The following XPO4 variants were observed in gnomAD, a reference collection of about 807,000 sequenced individuals.
XPO4 encodes exportin 4.
XPO4 carries 39 observed loss-of-function variants against 143.0 expected under a neutral mutation model. The ratio of observed to expected loss-of-function variants is 0.27; its 90% CI spans 0.21 to 0.36. The LOEUF (loss-of-function observed/expected upper bound fraction) is 0.36. Among genes scored for constraint, XPO4 ranks in the 10% least tolerant of loss-of-function variants. XPO4 has a pLI of 1.00. For missense variants in XPO4, 907 were observed against 1,348.0 expected, an observed-to-expected ratio of 0.67 and a Z score of 5.12; for synonymous variants, 439 against 474.0, an observed-to-expected ratio of 0.93 and a Z score of 0.96.
At chr13:20,789,688 G>A (rs185534077) in intron 19 of XPO4, among the ~76,000 whole-genome samples, 35 of 151,918 alleles carry the variant, frequency 2.3e-4, no homozygotes, top group African/African-American at 8.2e-4. Context: ...GATTACAAGC[G>A]TGAGCCACTG....
In XPO4 at chr13:20,809,801, G is replaced by T. The variant is rs992864048; in HGVS notation, c.1340C>A (p.Thr447Lys). The change falls in exon 10 of 23, where the codon ACA becomes AAA. Residue 447 changes from threonine (T) to lysine (K), a missense_variant. Physicochemically the swap from Thr to Lys is moderately conservative, Grantham distance 78. Coordinates refer to ENST00000255305, the MANE Select transcript of XPO4 (RefSeq NM_022459.5). The part of the protein sequence containing the change: ...IQCHLAAPDG[T>K]RNLTANGVAS... ...TTGCTTAAAACTCACCAAATTTCTT[G>T]TGCCATCTGGAGCAGCTAGGTGGCA... The T allele has an allele frequency of 1.9e-6, 3 of 1,606,312 alleles. No individual in the cohort carries two copies. The highest frequency in any genetic ancestry group is 2.5e-6 in the Non-Finnish European group (3 of 1,177,036).
At chr13:20,861,452 C>T (rs2060197541) in intron 3 of XPO4, among the ~76,000 whole-genome samples, 1 of 151,768 alleles carries the variant, frequency 6.6e-6, no homozygotes, top group Non-Finnish European at 1.5e-5. Context: ...TGCACTACCA[C>T]GCCCGACTAA....
intron 18 of XPO4, among the ~76,000 whole-genome samples, chr13:20,794,414 C>T (rs6490621): frequency 0.84 from 127,416 of 152,164 alleles, 53,542 homozygotes; most frequent in East Asian, 1. Context: ...GTAATCATGA[C>T]AGTAAATCAT....
At chr13:20,899,260 C>T (rs77684186) in intron 1 of XPO4, among the ~76,000 whole-genome samples, 7,742 of 151,046 alleles carry the variant, frequency 0.051, 320 homozygotes, top group East Asian at 0.14. Context: ...ATAGATGTAC[C>T]ATATTTAGAC....
At position 20,843,819 on chromosome 13, in the gene XPO4, T is replaced by C; in HGVS notation, c.524A>G (p.Asn175Ser). The C allele has an allele frequency of 6.2e-7, 1 of 1,613,510 alleles. No individual in the cohort carries two copies. The highest frequency in any genetic ancestry group is 8.5e-7 in the Non-Finnish European group (1 of 1,179,828). Residue 175 changes from asparagine to serine, a missense_variant, in exon 5 of 23, where the codon AAC becomes AGC. Asn to Ser is a conservative substitution (Grantham distance 46). Transcript: ENST00000255305. ...ATGGAATTCCATGCTCAATCCAATG[T>C]TGCTAGTTTTACTTGAACTTGAAAA... ...SEFSSSSKTS[N>S]IGLSMEFHGN...
chr13:20,894,062 G>C (rs1291499787), intron 1 of XPO4, among the ~76,000 whole-genome samples: 1 of 151,964 alleles, frequency 6.6e-6, no homozygotes, highest in Non-Finnish European at 1.5e-5. Flanking sequence ...GGCTGGTCTC[G>C]AACTCCCAAC....
In XPO4 at chr13:20,851,185, T is replaced by C. The variant is rs1406200821; in HGVS notation, c.456+4442A>G. 6 of 985,318 alleles carry C rather than the reference T, an allele frequency of 6.1e-6. No homozygotes were observed. In the African/African-American group the frequency reaches 8.7e-5, roughly 14 times the overall value. The allele number at this position is 985,318 out of a possible 1,614,324, so 61.0% of individuals were successfully genotyped here. A position where few individuals can be genotyped will look rare whatever the true frequency, so the allele number is the denominator to read the frequency against. ...AAGAAGAGAGGATGATATAAGAAAA[T>C]GTCTGAACTTCATTTTTTAGGCCTT... is the stretch of plus-strand genomic sequence containing the variant. On this transcript the variant is annotated intron_variant, in intron 4 of 22. Coordinates refer to ENST00000255305, the MANE Select transcript of XPO4 (RefSeq NM_022459.5).
intron 18 of XPO4, among the ~76,000 whole-genome samples, chr13:20,794,434 T>C (rs2059329387): frequency 1.3e-5 from 2 of 152,330 alleles, no homozygotes; most frequent in Non-Finnish European, 2.9e-5. Flanking sequence ...TCTAAACATA[T>C]ACATGTTTTA....
intron 22 of XPO4, 39 bp from the exon 23 acceptor site, chr13:20,783,958 GAAT>G: frequency 6.3e-7 from 1 of 1,593,222 alleles, no homozygotes; most frequent in Non-Finnish European, 8.6e-7. Flanking sequence ...ATCCTCCTTA[GAAT>G]ATCATACAAG....
At chr13:20,788,734 G>A in intron 19 of XPO4, 118 bp from the exon 20 acceptor site, 2 of 1,034,534 alleles carry the variant, frequency 1.9e-6, no homozygotes, top group Non-Finnish European at 2.7e-6. Context: ...TTTAAAACAT[G>A]TACAAGATAT....
At chr13:20,789,332 G>A (rs1247801255) in intron 19 of XPO4, among the ~76,000 whole-genome samples, 1 of 152,034 alleles carries the variant, frequency 6.6e-6, no homozygotes, top group East Asian at 1.9e-4. Flanking sequence ...CTGCTATGCT[G>A]GCAATCAAAC....
intron 1 of XPO4, among the ~76,000 whole-genome samples, chr13:20,889,015 G>A (rs2138175430): frequency 6.6e-6 from 1 of 152,082 alleles, no homozygotes; most frequent in East Asian, 1.9e-4. Flanking sequence ...ATTTCACCAT[G>A]TTGGTCAGGC....
chr13:20,844,865 T>G (rs112419077), intron 4 of XPO4, among the ~76,000 whole-genome samples: 11 of 152,342 alleles, frequency 7.2e-5, no homozygotes, highest in African/African-American at 2.4e-4. Context: ...ATGTCTGAAA[T>G]TTTTCTTTAA....
chr13:20,822,514 T>G (rs927284690), intron 7 of XPO4, among the ~76,000 whole-genome samples: 3 of 152,214 alleles, frequency 2.0e-5, no homozygotes, highest in Admixed American at 1.3e-4. Flanking sequence ...TACCTACATT[T>G]TGAAAATTGA....
chr13:20,840,676 G>A (rs1363672216), intron 6 of XPO4, among the ~76,000 whole-genome samples: 1 of 152,146 alleles, frequency 6.6e-6, no homozygotes, highest in Non-Finnish European at 1.5e-5. Context: ...AGTCAGAATT[G>A]AGTTCCTTGA....
intron 18 of XPO4, 90 bp from the exon 19 acceptor site, chr13:20,790,670 C>T: frequency 2.0e-6 from 2 of 981,202 alleles, no homozygotes. Flanking sequence ...AAACTCACCC[C>T]TAGAGGCTAA....
At chr13:20,835,505 GGGCTATCT>G (rs2059904942) in intron 6 of XPO4, among the ~76,000 whole-genome samples, 1 of 152,072 alleles carries the variant, frequency 6.6e-6, no homozygotes, top group Admixed American at 6.6e-5. Context: ...ACCACGCCCT[GGGCTATCT>G]CAACATCTAT....
intron 9 of XPO4, among the ~76,000 whole-genome samples, 174 bp downstream of exon 9, chr13:20,821,530 C>T (rs2059719751): frequency 6.6e-6 from 1 of 152,160 alleles, no homozygotes; most frequent in Non-Finnish European, 1.5e-5. Context: ...CTATTTTAAT[C>T]CACAAATTTT....
chr13:20,795,438 T>C (rs879376461), intron 18 of XPO4, among the ~76,000 whole-genome samples: 2 of 152,130 alleles, frequency 1.3e-5, no homozygotes, highest in Non-Finnish European at 2.9e-5. Flanking sequence ...CACTGAAAGG[T>C]ATTTATTATC....
Sources: allele counts gnomAD v4.1 joint callset (sites outside exome capture counted in the v4.1 genomes callset), GRCh38; gene constraint gnomAD v4.1.1; transcripts MANE v1.5; gene names NCBI Gene and HGNC (gene_info 2026-07-23, HGNC 2026-07-21).